The following GLYATL2 variants were observed in gnomAD, a reference collection of about 807,000 sequenced individuals.
GLYATL2 encodes glycine N-acyltransferase-like protein 2.
In GLYATL2, 25 loss-of-function variants were observed where a neutral mutation model predicts 21.4. The ratio of observed to expected loss-of-function variants is 1.17; its 90% CI spans 0.85 to 1.63. The LOEUF (loss-of-function observed/expected upper bound fraction) is 1.63, where lower values mean the gene tolerates loss of function less well. GLYATL2 is among the 40% of genes most tolerant of loss of function. GLYATL2 has a pLI of 0.00. For missense variants in GLYATL2, 361 were observed against 343.3 expected (o/e 1.05, Z -0.41); for synonymous variants, 114 against 118.2 (o/e 0.96, Z 0.23).
intron 1 of GLYATL2, among the ~76,000 whole-genome samples, chr11:58,884,204 G>A (rs977433593): frequency 9.2e-5 from 14 of 152,220 alleles, no homozygotes; most frequent in African/African-American, 3.1e-4. Context: ...AGTATTGGAA[G>A]TTCTGACCAG....
At chr11:58,852,373 T>C (rs150683099) in intron 1 of GLYATL2, among the ~76,000 whole-genome samples, 1 of 152,216 alleles carries the variant, frequency 6.6e-6, no homozygotes, top group Non-Finnish European at 1.5e-5. Context: ...ACTGAGAATG[T>C]AACTAACAGA....
intron 1 of GLYATL2, chr11:58,893,059 AAATATGCC>A (rs1378415954): frequency 7.3e-5 from 28 of 384,788 alleles, no homozygotes; most frequent in Non-Finnish European, 1.0e-4. Flanking sequence ...TCCCAATTTT[AAATATGCC>A]AAGCTGGGTG....
upstream of GLYATL2, among the ~76,000 whole-genome samples, chr11:58,848,735 A>G (rs1468500990): frequency 6.6e-6 from 1 of 151,320 alleles, no homozygotes; most frequent in Non-Finnish European, 1.5e-5. Flanking sequence ...GGCAAATCTA[A>G]GAATTATTGG....
At chr11:58,887,580 A>G (rs930523253) in intron 1 of GLYATL2, among the ~76,000 whole-genome samples, 4 of 152,148 alleles carry the variant, frequency 2.6e-5, no homozygotes, top group Non-Finnish European at 5.9e-5. Context: ...ATATTAACAC[A>G]CAAAGGGATA....
chr11:58,894,423 GCT>G (rs1565109198), intron 1 of GLYATL2, among the ~76,000 whole-genome samples: 1 of 145,364 alleles, frequency 6.9e-6, no homozygotes, highest in East Asian at 2.0e-4. Flanking sequence ...CTTTGGCTCT[GCT>G]CTGTCACCCT....
rs146479448 is a variant in GLYATL2, at chr11:58,891,255, T to C, written n.60+12901A>G. ...TTCACTGCTAAACCTCTCACACTTA[T>C]TGTTTATATTTCCCCTGAGAAACAC... On this transcript the variant is annotated intron_variant and non_coding_transcript_variant, in intron 1 of 4. Transcript: ENST00000533636. 2.4e-4 allele frequency among the ~76,000 whole-genome samples: 36 copies of C among 152,312 alleles called. 1 individual carries two copies. The East Asian group carries it at 6.7e-3, about 29-fold the overall frequency.
chr11:58,886,396 C>G (rs556491427), intron 1 of GLYATL2, among the ~76,000 whole-genome samples: 1 of 152,280 alleles, frequency 6.6e-6, no homozygotes, highest in South Asian at 2.1e-4. Context: ...AATATTAAAT[C>G]ACATAGCTGC....
chr11:58,904,949 T>C (rs1854826244), upstream of GLYATL2, among the ~76,000 whole-genome samples: 1 of 152,246 alleles, frequency 6.6e-6, no homozygotes, highest in Non-Finnish European at 1.5e-5. Context: ...CATCTCCTTC[T>C]ATTCATGTTC....
intron 1 of GLYATL2, among the ~76,000 whole-genome samples, chr11:58,852,263 A>G (rs12794589): frequency 0.89 from 135,668 of 152,116 alleles, 61,532 homozygotes; most frequent in Non-Finnish European, 0.98. Flanking sequence ...GCTATTAGAT[A>G]CCCAACCCCA....
chr11:58,836,121 C>G (rs1030182844), intron 5 of GLYATL2, among the ~76,000 whole-genome samples: 3 of 152,208 alleles, frequency 2.0e-5, no homozygotes, highest in Non-Finnish European at 4.4e-5. Context: ...CTAATGCCAA[C>G]ATATTTTTTA....
intron 1 of GLYATL2, among the ~76,000 whole-genome samples, chr11:58,854,018 CTT>C (rs1268644463): frequency 2.6e-5 from 4 of 152,118 alleles, no homozygotes; most frequent in Non-Finnish European, 5.9e-5. Context: ...ATGAATTTAA[CTT>C]TTTCAGATTT....
chr11:58,840,417 A>C (rs552892970), intron 1 of GLYATL2, among the ~76,000 whole-genome samples: 8 of 152,322 alleles, frequency 5.3e-5, no homozygotes, highest in Admixed American at 1.3e-4. Context: ...GATCAAGTTA[A>C]TGATGGTGTA....
intron 1 of GLYATL2, among the ~76,000 whole-genome samples, chr11:58,841,757 T>C (rs1853557505): frequency 6.6e-6 from 1 of 152,216 alleles, no homozygotes; most frequent in African/African-American, 2.4e-5. Flanking sequence ...TTTGGTAGCA[T>C]ATTCCACAAA....
chr11:58,900,085 C>T (rs1390963371), intron 1 of GLYATL2, among the ~76,000 whole-genome samples: 1 of 152,206 alleles, frequency 6.6e-6, no homozygotes, highest in Non-Finnish European at 1.5e-5. Flanking sequence ...ACCTCCTCTG[C>T]TTTACAGCAG....
At chr11:58,903,544 G>A (rs986397047) in intron 1 of GLYATL2, among the ~76,000 whole-genome samples, 5 of 152,000 alleles carry the variant, frequency 3.3e-5, no homozygotes, top group Admixed American at 1.3e-4. Context: ...GTGGTGACAG[G>A]CACTTGTAAT....
At chr11:58,879,228 C>A (rs1454756649) in intron 1 of GLYATL2, among the ~76,000 whole-genome samples, 1 of 151,878 alleles carries the variant, frequency 6.6e-6, no homozygotes, top group East Asian at 1.9e-4. Flanking sequence ...AATGGTACTA[C>A]AGAAAATTCT....
At chr11:58,885,286 G>T (rs780291211) in intron 1 of GLYATL2, 16 of 220,884 alleles carry the variant, frequency 7.2e-5, no homozygotes, top group African/African-American at 3.4e-4. Flanking sequence ...ACGTCCATCA[G>T]TATGGTCCTG....
chr11:58,839,563 A>C lies in GLYATL2; in HGVS notation c.50T>G (p.Leu17Ter). 1 of 1,611,232 alleles carries C rather than the reference A, an allele frequency of 6.2e-7. No individual in the cohort carries two copies. The highest frequency in any genetic ancestry group is 8.5e-7 in the Non-Finnish European group (1 of 1,178,062). Residue 17 changes from leucine to a stop codon, truncating the protein, a stop_gained, in exon 2 of 6, where the codon TTA becomes TGA. Coordinates refer to ENST00000287275, the MANE Select transcript of GLYATL2 (RefSeq NM_145016.4). LOFTEE classifies it high-confidence loss of function. The part of the protein sequence containing the change: ...SQKLQILYKS[L>*]EKSIPESIKV... ...TATGGATTCAGGGATGCTCTTTTCT[A>C]AGGATTTATACAGAATCTGCAGCTT...
chr11:58,855,150 T>C (rs531345638), intron 1 of GLYATL2, among the ~76,000 whole-genome samples: 2 of 152,338 alleles, frequency 1.3e-5, no homozygotes, highest in East Asian at 3.9e-4. Context: ...TGGAAAATCC[T>C]TCCAAGAGAT....
Sources: allele counts gnomAD v4.1 joint callset (sites outside exome capture counted in the v4.1 genomes callset), GRCh38; gene constraint gnomAD v4.1.1; transcripts MANE v1.5; gene names NCBI Gene and HGNC (gene_info 2026-07-23, HGNC 2026-07-21).